EXOC4: variants seen among roughly 807,000 people sequenced by gnomAD.
The protein encoded by EXOC4 is exocyst complex component 4.
Under a neutral mutation model 107.2 loss-of-function variants are expected in EXOC4, and 71 were observed. The ratio of observed to expected loss-of-function variants is 0.66; its 90% confidence interval spans 0.55 to 0.81. The LOEUF (loss-of-function observed/expected upper bound fraction) is 0.81. EXOC4 is among the 30% of genes least tolerant of loss of function. The pLI is 0.00. For synonymous variants in EXOC4, 456 were observed against 441.2 expected (o/e 1.03, Z -0.42); for missense variants, 1,108 against 1,189.6 (o/e 0.93, Z 1.01).
At chr7:134,093,034 T>A in the EXOC4 span, among the ~76,000 whole-genome samples, 1 of 151,694 alleles carries the variant, frequency 6.6e-6, no homozygotes, top group Non-Finnish European at 1.5e-5. Context: ...CAATAGAAAT[T>A]ACAAAGCAAA....
intron 5 of EXOC4, among the ~76,000 whole-genome samples, chr7:133,319,514 T>C (rs1433229041): frequency 6.6e-6 from 1 of 152,122 alleles, no homozygotes; most frequent in Admixed American, 6.5e-5. Context: ...TTTGAGACGG[T>C]GTTTCACTCT....
downstream of EXOC4, among the ~76,000 whole-genome samples, chr7:134,068,701 A>C (rs1338963649): frequency 6.6e-6 from 1 of 152,104 alleles, no homozygotes; most frequent in Non-Finnish European, 1.5e-5. Context: ...CCATTCCAAG[A>C]AGCCCCACCC....
intron 9 of EXOC4, among the ~76,000 whole-genome samples, chr7:133,504,143 T>C (rs1363158792): frequency 6.6e-6 from 1 of 152,112 alleles, no homozygotes; most frequent in Admixed American, 6.5e-5. Flanking sequence ...TGATATCCTT[T>C]TGTAATAAAT....
rs551717367 is a variant in EXOC4 at position 133,409,237 on chromosome 7, G to T, written c.1182+34235G>T. Among the ~76,000 whole-genome samples the T allele has an allele frequency of 7.4e-4, 112 of 152,248 alleles. 1 individual carries two copies. The highest frequency in any genetic ancestry group is 1.4e-3 in the Non-Finnish European group (97 of 68,000). ...TTGAGGCTTTGTTTTCCGTTAGAAA[G>T]CTACCATTTGATAGTCTACTAAAAA... On this transcript the variant is annotated intron_variant, in intron 7 of 17. Coordinates refer to ENST00000253861, the MANE Select transcript of EXOC4 (RefSeq NM_021807.4).
chr7:133,429,974 T>C (rs1041378029), intron 7 of EXOC4, among the ~76,000 whole-genome samples: 1 of 152,146 alleles, frequency 6.6e-6, no homozygotes, highest in Admixed American at 6.5e-5. Context: ...TGGCAGTGTC[T>C]AGGGGTGTGT....
intron 14 of EXOC4, among the ~76,000 whole-genome samples, chr7:133,981,398 T>C (rs911978501): frequency 6.6e-6 from 1 of 152,078 alleles, no homozygotes; most frequent in East Asian, 1.9e-4. Flanking sequence ...AAATACTGGG[T>C]TTTTAATTTA....
At chr7:133,431,356 A>G (rs955165376) in intron 7 of EXOC4, among the ~76,000 whole-genome samples, 3 of 152,218 alleles carry the variant, frequency 2.0e-5, no homozygotes, top group Non-Finnish European at 2.9e-5. Flanking sequence ...AAATAACTGC[A>G]TTTTACCCAG....
At chr7:133,444,787 T>C (rs1385484171) in intron 7 of EXOC4, among the ~76,000 whole-genome samples, 1 of 152,154 alleles carries the variant, frequency 6.6e-6, no homozygotes, top group Non-Finnish European at 1.5e-5. Context: ...CATGAGATCA[T>C]GAGCAGGTTG....
chr7:133,675,458 G>A (rs762079599), intron 10 of EXOC4, among the ~76,000 whole-genome samples: 3 of 152,132 alleles, frequency 2.0e-5, no homozygotes, highest in Non-Finnish European at 4.4e-5. Context: ...TGCTTTTGTA[G>A]ATATTTGTTC....
intron 14 of EXOC4, among the ~76,000 whole-genome samples, chr7:133,939,232 C>A (rs1412566611): frequency 6.6e-6 from 1 of 152,010 alleles, no homozygotes; most frequent in Non-Finnish European, 1.5e-5. Context: ...TTTTTAATCA[C>A]CGTCATTTGA....
chr7:133,975,488 A>G lies in EXOC4; in HGVS notation c.2207-22004A>G, dbSNP rs138336855. On this transcript the variant is annotated intron_variant, in intron 14 of 17. Coordinates refer to ENST00000253861, the MANE Select transcript of EXOC4 (RefSeq NM_021807.4). ...TATAATCTTTAAAGAATGTTATCAT[A>G]TCATATTGGAATTTACACAGCAAAG... Among the ~76,000 whole-genome samples, 33 of 152,310 alleles carry G rather than the reference A, an allele frequency of 2.2e-4. No homozygotes were observed. In the South Asian group the frequency reaches 3.7e-3, roughly 17 times the overall value.
At position 133,490,835 on chromosome 7, in the gene EXOC4, C is replaced by G. The variant is rs1004168157; in HGVS notation, c.1417+10697C>G. Among the ~76,000 whole-genome samples, 3 of 152,120 alleles carry G rather than the reference C, an allele frequency of 2.0e-5. No individual in the cohort carries two copies. In the South Asian group the frequency reaches 6.2e-4, roughly 32 times the overall value. On this transcript the variant is annotated intron_variant, in intron 9 of 17. Coordinates refer to ENST00000253861, the MANE Select transcript of EXOC4 (RefSeq NM_021807.4). ...CATACAGGATTTTCCGAGTATTGTT[C>G]AAGTGTTGTAGCTATGCAGCTTTAT...
intron 17 of EXOC4, among the ~76,000 whole-genome samples, chr7:134,061,364 G>A (rs965688182): frequency 6.6e-6 from 1 of 152,168 alleles, no homozygotes; most frequent in African/African-American, 2.4e-5. Flanking sequence ...TCTCTGATGC[G>A]TTTAGGTCCT....
At chr7:133,737,504 A>T (rs1795468763) in intron 10 of EXOC4, among the ~76,000 whole-genome samples, 1 of 150,574 alleles carries the variant, frequency 6.6e-6, no homozygotes, top group Non-Finnish European at 1.5e-5. Flanking sequence ...GCCTTGTTCT[A>T]GGCTATATAG....
intron 11 of EXOC4, among the ~76,000 whole-genome samples, chr7:133,855,096 TATATATAA>T (rs1798332321): frequency 3.2e-5 from 3 of 95,208 alleles, no homozygotes; most frequent in African/African-American, 1.6e-4. Context: ...TATATAAATA[TATATATAA>T]ATATATATAA....
chr7:133,748,532 T>C (rs1017278291), intron 10 of EXOC4, among the ~76,000 whole-genome samples: 6 of 152,184 alleles, frequency 3.9e-5, no homozygotes, highest in African/African-American at 7.2e-5. Context: ...GAAGGACTTA[T>C]GGAACCTTAG....
At chr7:133,468,606 C>G (rs1243281829) in intron 7 of EXOC4, among the ~76,000 whole-genome samples, 1 of 152,106 alleles carries the variant, frequency 6.6e-6, no homozygotes, top group African/African-American at 2.4e-5. Context: ...CTGCGCTTTT[C>G]AAATTCCTTT....
chr7:133,352,795 G>A (rs895824509), intron 5 of EXOC4, among the ~76,000 whole-genome samples: 4 of 151,524 alleles, frequency 2.6e-5, no homozygotes, highest in Non-Finnish European at 4.4e-5. Context: ...CTCATTTCCC[G>A]ATGGTATGCA....
At chr7:133,309,581 A>T (rs1267286886) in intron 4 of EXOC4, among the ~76,000 whole-genome samples, 1 of 152,214 alleles carries the variant, frequency 6.6e-6, no homozygotes, top group Non-Finnish European at 1.5e-5. Flanking sequence ...ACATGTATAT[A>T]TATATGTAAG....
Sources: gnomAD v4.1 joint callset for allele counts (sites outside exome capture counted in the v4.1 genomes callset) on GRCh38, gnomAD v4.1.1 for gene constraint, MANE v1.5 for transcripts, NCBI Gene and HGNC (gene_info 2026-07-23, HGNC 2026-07-21) for gene names.